SLC9A9: variants seen among roughly 807,000 people sequenced by gnomAD.
SLC9A9 encodes sodium/hydrogen exchanger 9.
Under a neutral mutation model 77.8 loss-of-function variants are expected in SLC9A9, and 62 were observed. The observed-to-expected ratio is 0.80, with a 90% CI of 0.65 to 0.98. SLC9A9 has a LOEUF of 0.98. Among genes scored for constraint, SLC9A9 ranks in the 50% least tolerant of loss-of-function variants. The pLI is 0.00. For synonymous variants in SLC9A9, 320 were observed against 283.5 expected (o/e 1.13, Z -1.29); for missense variants, 775 against 774.9 (o/e 1.00, Z 0.00).
At chr3:143,762,770 G>T (rs1200896297) in intron 4 of SLC9A9, among the ~76,000 whole-genome samples, 3 of 152,140 alleles carry the variant, frequency 2.0e-5, no homozygotes, top group Non-Finnish European at 4.4e-5. Context: ...ACAATATATG[G>T]CCAGTGTGGC....
chr3:143,609,184 C>A (rs566952934), intron 6 of SLC9A9, among the ~76,000 whole-genome samples: 3 of 152,214 alleles, frequency 2.0e-5, no homozygotes, highest in African/African-American at 7.2e-5. Flanking sequence ...TCCTGGGAAG[C>A]TTTCATGTTG....
chr3:143,649,959 A>C (rs993771685), intron 6 of SLC9A9, among the ~76,000 whole-genome samples: 2 of 151,510 alleles, frequency 1.3e-5, no homozygotes, highest in African/African-American at 4.8e-5. Context: ...GCTTTCAAAA[A>C]GTTGCTATCT....
In SLC9A9 at chr3:143,518,284, C is replaced by T. The variant is rs566767099; in HGVS notation, c.1090-22836G>A. Reference sequence around the variant, plus strand: ...GCTGCAGCCCGGTTCCAGGCCCAGGCGCTGGCTCAGCGTGACCACGCAGAA... The same window carrying T: ...GCTGCAGCCCGGTTCCAGGCCCAGGTGCTGGCTCAGCGTGACCACGCAGAA... On this transcript the variant is annotated intron_variant, in intron 9 of 15. Transcript: ENST00000316549. 1.3e-4 allele frequency: 168 copies of T among 1,308,820 alleles called. No individual in the cohort carries two copies. The East Asian group carries it at 3.1e-3, about 24-fold the overall frequency. The allele number at this position is 1,308,820 out of a possible 1,614,324, so 81.1% of individuals were successfully genotyped here.
At chr3:143,659,274 C>T (rs1331375347) in intron 5 of SLC9A9, among the ~76,000 whole-genome samples, 1 of 151,866 alleles carries the variant, frequency 6.6e-6, no homozygotes, top group Non-Finnish European at 1.5e-5. Flanking sequence ...AAATCAAACA[C>T]CAAAAAAAAT....
In SLC9A9 at chr3:143,265,603, C is replaced by T. The variant is rs913161444; in HGVS notation, c.*1099G>A. 1 of 329,396 alleles carries T rather than the reference C, an allele frequency of 3.0e-6. No individual in the cohort carries two copies. Among genetic ancestry groups the T allele is most frequent in the Admixed American group, 4.9e-5 (1 of 20,518 alleles). The allele number at this position is 329,396 out of a possible 1,614,324, so 20.4% of individuals were successfully genotyped here. ...TCAAGAGGTGCTAGGCTTGAGGTAT[C>T]TTTATGGCTTAAAAGGCACAGGTCA... On this transcript the variant is annotated 3_prime_UTR_variant, in exon 16 of 16. Coordinates refer to ENST00000316549, the MANE Select transcript of SLC9A9 (RefSeq NM_173653.4).
chr3:143,368,996 A>C (rs1267084604), intron 13 of SLC9A9, among the ~76,000 whole-genome samples: 1 of 152,224 alleles, frequency 6.6e-6, no homozygotes, highest in Non-Finnish European at 1.5e-5. Flanking sequence ...CATAAATATT[A>C]CCAGGAAGAT....
intron 4 of SLC9A9, among the ~76,000 whole-genome samples, chr3:143,780,285 T>C (rs1043939598): frequency 6.6e-6 from 1 of 152,136 alleles, no homozygotes; most frequent in Admixed American, 6.5e-5. Context: ...TAAGACCAGA[T>C]AGCCCAATTA....
chr3:143,635,238 C>T (rs2038499377), intron 6 of SLC9A9, among the ~76,000 whole-genome samples: 1 of 152,206 alleles, frequency 6.6e-6, no homozygotes, highest in African/African-American at 2.4e-5. Flanking sequence ...ACTGATTTGG[C>T]TTCCTCACAG....
chr3:143,627,017 C>A (rs983479583), intron 6 of SLC9A9, among the ~76,000 whole-genome samples: 6 of 151,872 alleles, frequency 4.0e-5, no homozygotes, highest in African/African-American at 1.5e-4. Context: ...GGACTACAGG[C>A]GTGCACCACC....
Position 143,574,100 on chromosome 3 carries a change from C to T in SLC9A9, c.988G>A (p.Ala330Thr), listed in dbSNP as rs1459219368. Residue 330 changes from alanine (A) to threonine (T), a missense_variant, in exon 8 of 16, where the codon GCC (alanine) becomes ACC (threonine). Ala to Thr is a moderately conservative substitution (Grantham distance 58). Transcript: ENST00000316549. ...ATGAAGCACTGACCTGTTAGGCCGG[C>T]AGCCTCGGCAGACAGGAAGGCACTC... is the stretch of plus-strand genomic sequence containing the variant. ...SWSAFLSAEA[A>T]GLTGIVAVLF... 6.2e-7 allele frequency: 1 copy of T among 1,613,080 alleles called. No homozygotes were observed. The highest frequency in any genetic ancestry group is 1.1e-5 in the South Asian group (1 of 91,036).
chr3:143,839,501 T>TACAC (rs57906338), intron 1 of SLC9A9, among the ~76,000 whole-genome samples: 2 of 150,134 alleles, frequency 1.3e-5, no homozygotes, highest in Non-Finnish European at 1.5e-5. Flanking sequence ...ACAACACACA[T>TACAC]ACACACACAC....
chr3:143,844,428 G>A (rs1365459105), intron 1 of SLC9A9, among the ~76,000 whole-genome samples: 5 of 152,162 alleles, frequency 3.3e-5, no homozygotes, highest in Non-Finnish European at 5.9e-5. Flanking sequence ...TGGCAGAATA[G>A]GCTGAAGTAT....
intron 4 of SLC9A9, among the ~76,000 whole-genome samples, chr3:143,725,892 T>TA (rs1261851207): frequency 7.5e-3 from 230 of 30,510 alleles, no homozygotes; most frequent in Non-Finnish European, 0.012. Flanking sequence ...ATAATAATAA[T>TA]AAAAAAAAGA....
chr3:143,714,037 G>A (rs879440452), intron 4 of SLC9A9, among the ~76,000 whole-genome samples: 18 of 152,230 alleles, frequency 1.2e-4, no homozygotes, highest in South Asian at 2.1e-4. Context: ...CTCAGTTTGC[G>A]ATTAGAATGA....
rs1001761827 is a variant in SLC9A9 at position 143,282,173 on chromosome 3, C to T, written c.1605-13193G>A. Among the ~76,000 whole-genome samples, 5 of 152,156 alleles carry T rather than the reference C, an allele frequency of 3.3e-5. No homozygotes were observed. In the East Asian group the frequency reaches 9.6e-4, roughly 29 times the overall value. ...ATTCTAATTATTCAAGTACAGTTCTCTTCCTGTTGCACTTTGAACCAGAGT... is the reference window on the plus strand; with the variant it reads ...ATTCTAATTATTCAAGTACAGTTCTTTTCCTGTTGCACTTTGAACCAGAGT... On this transcript the variant is annotated intron_variant, in intron 14 of 15. Coordinates refer to ENST00000316549, the MANE Select transcript of SLC9A9 (RefSeq NM_173653.4).
At chr3:143,515,197 C>A (rs2036185628) in intron 9 of SLC9A9, among the ~76,000 whole-genome samples, 1 of 152,128 alleles carries the variant, frequency 6.6e-6, no homozygotes, top group South Asian at 2.1e-4. Flanking sequence ...ATTAAGTTTG[C>A]CATCTTATAT....
intron 12 of SLC9A9, among the ~76,000 whole-genome samples, chr3:143,448,812 T>G: frequency 7.5e-6 from 1 of 134,156 alleles, no homozygotes; most frequent in East Asian, 2.0e-4. Context: ...GTAAATAATT[T>G]TGAATTAAAA....
chr3:143,625,982 AGACAT>A (rs897405223), intron 6 of SLC9A9, among the ~76,000 whole-genome samples: 13 of 152,380 alleles, frequency 8.5e-5, no homozygotes, highest in Admixed American at 8.5e-4. Flanking sequence ...TCTCAAAAGA[AGACAT>A]TTATGCAGCC....
chr3:143,731,174 G>A (rs944140695), intron 4 of SLC9A9, among the ~76,000 whole-genome samples: 2 of 152,154 alleles, frequency 1.3e-5, no homozygotes, highest in Admixed American at 6.5e-5. Flanking sequence ...CTCTGGCAAG[G>A]GACCAGGTCT....
Sources: allele counts gnomAD v4.1 joint callset (sites outside exome capture counted in the v4.1 genomes callset), GRCh38; gene constraint gnomAD v4.1.1; transcripts MANE v1.5; gene names NCBI Gene and HGNC (gene_info 2026-07-23, HGNC 2026-07-21).